The following BIN3 variants were observed in gnomAD, a reference collection of about 807,000 sequenced individuals.
The protein encoded by BIN3 is bridging integrator 3.
BIN3 carries 41 observed loss-of-function variants against 38.2 expected under a neutral mutation model. The observed-to-expected ratio is 1.07, with a 90% confidence interval of 0.84 to 1.39. The LOEUF is 1.39. BIN3 is among the 40% of genes most tolerant of loss of function. The pLI is 0.00. For missense variants in BIN3, 361 were observed against 324.3 expected (o/e 1.11, Z -0.87); for synonymous variants, 145 against 122.6 (o/e 1.18, Z -1.21).
Position 22,654,817 on chromosome 8 carries a change from A to G in BIN3, c.9-10014T>C, listed in dbSNP as rs551892806. On this transcript the variant is annotated intron_variant, in intron 1 of 8. Coordinates refer to ENST00000276416, the MANE Select transcript of BIN3 (RefSeq NM_018688.6). Reference sequence around the variant, plus strand: ...TTTATGTTCAAGATTTTGTGTGGATATGTTACTTCTCTTGGGCATATATCT... The same window carrying G: ...TTTATGTTCAAGATTTTGTGTGGATGTGTTACTTCTCTTGGGCATATATCT... Among the ~76,000 whole-genome samples, 5 of 152,300 alleles carry G rather than the reference A, an allele frequency of 3.3e-5. No homozygotes were observed. In the East Asian group the frequency reaches 9.6e-4, roughly 29 times the overall value.
chr8:22,629,479 C>A (rs118189797), intron 6 of BIN3, among the ~76,000 whole-genome samples: 1 of 152,334 alleles, frequency 6.6e-6, no homozygotes, highest in East Asian at 1.9e-4. Context: ...GCTAGAGGAC[C>A]TTCCCGGGCC....
Position 22,641,473 on chromosome 8 carries a change from A to C in BIN3, c.57+3282T>G, listed in dbSNP as rs546276246. Among the ~76,000 whole-genome samples the C allele has an allele frequency of 7.9e-5, 12 of 152,296 alleles. No individual in the cohort carries two copies. The South Asian group carries it at 2.5e-3, about 32-fold the overall frequency. On this transcript the variant is annotated intron_variant, in intron 2 of 8. Coordinates refer to ENST00000276416, the MANE Select transcript of BIN3 (RefSeq NM_018688.6). ...TATGCTCATGGTGAAGTGAAAAAGGAAACTGGCAGGCAGGGCTGGGGCACT... is the reference window on the plus strand; with the variant it reads ...TATGCTCATGGTGAAGTGAAAAAGGCAACTGGCAGGCAGGGCTGGGGCACT...
At chr8:22,651,184 T>C (rs533827780) in intron 1 of BIN3, among the ~76,000 whole-genome samples, 1 of 152,342 alleles carries the variant, frequency 6.6e-6, no homozygotes, top group East Asian at 1.9e-4. Flanking sequence ...TACTTTTTTT[T>C]TAACTTTCCC....
intron 1 of BIN3, among the ~76,000 whole-genome samples, chr8:22,664,204 A>G (rs958425007): frequency 6.6e-6 from 1 of 152,228 alleles, no homozygotes; most frequent in Non-Finnish European, 1.5e-5. Flanking sequence ...CTTAAAGAGT[A>G]TAATACATAT....
chr8:22,657,011 A>G lies in BIN3; in HGVS notation c.8+12033T>C, dbSNP rs1253646595. ...CTTGGCAACCCCTGTTAAGTACTGT[A>G]CTAGGCACAGTGCTATTTTCAACTT... On this transcript the variant is annotated intron_variant, in intron 1 of 8. Coordinates refer to ENST00000276416, the MANE Select transcript of BIN3 (RefSeq NM_018688.6). 4.6e-5 allele frequency among the ~76,000 whole-genome samples: 7 copies of G among 152,242 alleles called. No homozygotes were observed. In the East Asian group the frequency reaches 1.3e-3, roughly 29 times the overall value.
chr8:22,632,385 T>C (rs963175807), intron 4 of BIN3, among the ~76,000 whole-genome samples: 1 of 152,156 alleles, frequency 6.6e-6, no homozygotes, highest in Non-Finnish European at 1.5e-5. Context: ...TTCTGGAATC[T>C]GGGAGAGTGC....
intron 1 of BIN3, among the ~76,000 whole-genome samples, chr8:22,654,288 ATAAAT>A (rs1211556674): frequency 6.6e-6 from 1 of 152,188 alleles, no homozygotes; most frequent in African/African-American, 2.4e-5. Context: ...TGTGAGGGAG[ATAAAT>A]TAGATGTATG....
intron 1 of BIN3, among the ~76,000 whole-genome samples, chr8:22,647,813 C>A (rs948761984): frequency 6.6e-6 from 1 of 152,154 alleles, no homozygotes; most frequent in African/African-American, 2.4e-5. Context: ...AAAAATCCTT[C>A]ACATTTAAAA....
chr8:22,642,810 A>C (rs748093519), intron 2 of BIN3, among the ~76,000 whole-genome samples: 3 of 152,170 alleles, frequency 2.0e-5, no homozygotes, highest in Non-Finnish European at 4.4e-5. Context: ...TCCCAAACCT[A>C]GTTTCTTAAC....
At chr8:22,630,382 C>T in intron 5 of BIN3, 60 bp downstream of exon 5, 2 of 1,601,484 alleles carry the variant, frequency 1.2e-6, no homozygotes, top group Non-Finnish European at 1.7e-6. Flanking sequence ...GCACAGTCCA[C>T]CCAGAGGCCC....
intron 6 of BIN3, 36 bp downstream of exon 6, chr8:22,629,928 T>C: frequency 6.4e-7 from 1 of 1,574,130 alleles, no homozygotes; most frequent in South Asian, 1.1e-5. Flanking sequence ...GCCTCTCCCA[T>C]AAGTGCCCCG....
intron 6 of BIN3, chr8:22,626,221 C>T (rs1227943007): frequency 6.6e-6 from 1 of 152,344 alleles, no homozygotes; most frequent in East Asian, 1.9e-4. Context: ...CCTCCCAGGA[C>T]TGTGCACAGA....
At chr8:22,631,099 G>A (rs1395449031) in intron 4 of BIN3, among the ~76,000 whole-genome samples, 4 of 152,130 alleles carry the variant, frequency 2.6e-5, no homozygotes, top group Non-Finnish European at 1.5e-5. Context: ...CTTGTGCTGT[G>A]AAAACTGCCA....
At chr8:22,649,880 G>C (rs1245368260) in intron 1 of BIN3, among the ~76,000 whole-genome samples, 7 of 137,938 alleles carry the variant, frequency 5.1e-5, no homozygotes, top group African/African-American at 1.8e-4. Context: ...AAAATTAACA[G>C]TAATATCCTG....
At chr8:22,636,497 C>T (rs543504462) in intron 4 of BIN3, 28 bp downstream of exon 4, 21 of 1,550,814 alleles carry the variant, frequency 1.4e-5, no homozygotes, top group Admixed American at 5.9e-5. Context: ...CCTGCTCAAG[C>T]GAGTGGTGCG....
intron 1 of BIN3, among the ~76,000 whole-genome samples, chr8:22,648,306 A>G (rs1802776395): frequency 6.6e-6 from 1 of 152,088 alleles, no homozygotes; most frequent in Admixed American, 6.5e-5. Flanking sequence ...AGACCTCCTC[A>G]GTTTTCCCCA....
At chr8:22,639,473 C>T (rs991545517) in intron 2 of BIN3, among the ~76,000 whole-genome samples, 9 of 152,144 alleles carry the variant, frequency 5.9e-5, no homozygotes, top group Non-Finnish European at 1.3e-4. Flanking sequence ...CTCAAGTGAT[C>T]CTCTTGCATT....
At chr8:22,627,870 T>G (rs929063451) in intron 6 of BIN3, among the ~76,000 whole-genome samples, 1 of 152,244 alleles carries the variant, frequency 6.6e-6, no homozygotes, top group South Asian at 2.1e-4. Context: ...GCCGCTGACC[T>G]GAGAACACGC....
At chr8:22,623,476 G>A (rs1000238535) in intron 8 of BIN3, among the ~76,000 whole-genome samples, 16 of 152,284 alleles carry the variant, frequency 1.1e-4, no homozygotes, top group African/African-American at 3.1e-4. Flanking sequence ...GACTCCCGCC[G>A]TTTCCTGCTA....
Sources: gnomAD v4.1 joint callset for allele counts (sites outside exome capture counted in the v4.1 genomes callset) on GRCh38, gnomAD v4.1.1 for gene constraint, MANE v1.5 for transcripts, NCBI Gene and HGNC (gene_info 2026-07-23, HGNC 2026-07-21) for gene names.